SARNP: variants seen among roughly 807,000 people sequenced by gnomAD.
SARNP encodes the protein SAP domain-containing ribonucleoprotein.
In SARNP, 5 loss-of-function variants were observed where a neutral mutation model predicts 38.1. The observed-to-expected ratio is 0.13, with a 90% confidence interval of 0.07 to 0.28. The LOEUF is 0.28. SARNP is among the 10% of genes least tolerant of loss of function. The probability of loss-of-function intolerance (pLI) is 1.00; values close to 1 mark genes in which losing one functional copy is unlikely to be tolerated. For missense variants in SARNP, 180 were observed against 243.9 expected (o/e 0.74, Z 1.75); for synonymous variants, 84 against 80.6 (o/e 1.04, Z -0.23).
chr12:55,767,871 AGG>A (rs1334010952), intron 9 of SARNP, among the ~76,000 whole-genome samples: 336 of 143,848 alleles, frequency 2.3e-3, no homozygotes, highest in African/African-American at 8.6e-3. Flanking sequence ...AAAAAAAAAA[AGG>A]ATATACACAC....
At chr12:55,759,643 G>C (rs1878616175) in intron 10 of SARNP, among the ~76,000 whole-genome samples, 1 of 152,174 alleles carries the variant, frequency 6.6e-6, no homozygotes, top group Non-Finnish European at 1.5e-5. Flanking sequence ...GTTTCACCAT[G>C]TTGGCCAGGC....
At chr12:55,791,024 TAG>T (rs1879651846) in intron 7 of SARNP, among the ~76,000 whole-genome samples, 1 of 152,154 alleles carries the variant, frequency 6.6e-6, no homozygotes, top group African/African-American at 2.4e-5. Context: ...TAAAAATGAA[TAG>T]AGATACATGC....
chr12:55,765,646 G>A lies in SARNP; in HGVS notation c.502-5006C>T, dbSNP rs569123231. On this transcript the variant is annotated intron_variant, in intron 9 of 10. Transcript: ENST00000336133. ...GGCATGAGCCACCACACCCAGCCTA[G>A]CTTCCCTTTTAAACAAGATCTTTGG... 4.6e-5 allele frequency among the ~76,000 whole-genome samples: 7 copies of A among 151,994 alleles called. No homozygotes were observed. In the South Asian group the frequency reaches 1.5e-3, roughly 32 times the overall value.
intron 9 of SARNP, among the ~76,000 whole-genome samples, chr12:55,767,025 G>A (rs909090224): frequency 6.6e-6 from 1 of 152,096 alleles, no homozygotes; most frequent in Non-Finnish European, 1.5e-5. Context: ...GTTCCAAACT[G>A]AGCCCTTGAA....
chr12:55,791,500 G>C (rs567418903), intron 7 of SARNP, among the ~76,000 whole-genome samples: 32 of 152,214 alleles, frequency 2.1e-4, no homozygotes, highest in Non-Finnish European at 4.0e-4. Context: ...TTGTAGACCA[G>C]CCTGACCAAT....
chr12:55,790,218 G>T (rs544772843), intron 8 of SARNP, among the ~76,000 whole-genome samples: 1 of 148,350 alleles, frequency 6.7e-6, no homozygotes, highest in Admixed American at 6.7e-5. Context: ...CTCCTAAATT[G>T]CTTCCATAGA....
At chr12:55,816,830 T>C (rs780948204) in intron 1 of SARNP, among the ~76,000 whole-genome samples, 12 of 152,172 alleles carry the variant, frequency 7.9e-5, no homozygotes, top group Non-Finnish European at 8.8e-5. Context: ...AAGAGTCTCA[T>C]AAGACAATTT....
intron 9 of SARNP, among the ~76,000 whole-genome samples, chr12:55,785,115 T>C (rs759008243): frequency 6.6e-5 from 10 of 152,142 alleles, no homozygotes; most frequent in African/African-American, 1.2e-4. Flanking sequence ...GAAGTATCCC[T>C]GTAATAATCA....
At position 55,787,943 on chromosome 12, in the gene SARNP, G is replaced by T. The variant is rs1037406718; in HGVS notation, c.501+1132C>A. 2.6e-5 allele frequency among the ~76,000 whole-genome samples: 4 copies of T among 151,738 alleles called. No individual in the cohort carries two copies. In the East Asian group the frequency reaches 5.8e-4, roughly 22 times the overall value. ...TTTTTGTATTTTTAGTAGAGACGGG[G>T]TTTCACCGTGTTAGCCAGGATGGTC... On this transcript the variant is annotated intron_variant, in intron 9 of 10. Coordinates refer to ENST00000336133, the MANE Select transcript of SARNP (RefSeq NM_033082.4).
At chr12:55,789,939 G>A (rs1592571045) in intron 8 of SARNP, among the ~76,000 whole-genome samples, 4 of 111,114 alleles carry the variant, frequency 3.6e-5, no homozygotes, top group Admixed American at 1.1e-4. Context: ...ATGAAACTCC[G>A]TCTCAAAAAA....
intron 1 of SARNP, among the ~76,000 whole-genome samples, chr12:55,807,910 C>T (rs4759202): frequency 0.99 from 151,192 of 152,236 alleles, 75,090 homozygotes; most frequent in Middle Eastern, 1. Context: ...GTCTTTTGAT[C>T]TTAATTACAC....
chr12:55,784,975 A>G (rs970851009), intron 9 of SARNP, among the ~76,000 whole-genome samples: 14 of 152,222 alleles, frequency 9.2e-5, no homozygotes, highest in African/African-American at 3.1e-4. Context: ...TGTTACTTAA[A>G]ATATAGTCTT....
Position 55,765,915 on chromosome 12 carries a change from C to T in SARNP, c.502-5275G>A, listed in dbSNP as rs573621092. On this transcript the variant is annotated intron_variant, in intron 9 of 10. Coordinates refer to ENST00000336133, the MANE Select transcript of SARNP (RefSeq NM_033082.4). ...GATCTCTCTCACTTGACCCTTCTAG[C>T]GTGACGGTGTTGCATGGAAACAAAC... 4.1e-4 allele frequency among the ~76,000 whole-genome samples: 63 copies of T among 152,260 alleles called. 1 individual carries two copies. Among genetic ancestry groups the T allele is most frequent in the Admixed American group, 3.2e-3 (49 of 15,294 alleles).
At chr12:55,781,205 G>A (rs1436609241) in intron 9 of SARNP, among the ~76,000 whole-genome samples, 1 of 152,192 alleles carries the variant, frequency 6.6e-6, no homozygotes, top group Non-Finnish European at 1.5e-5. Context: ...GTGGCTATCT[G>A]TACTTTGAAT....
At chr12:55,794,958 A>G (rs904540442) in intron 5 of SARNP, 78 bp from the exon 6 acceptor site, 2 of 122,514 alleles carry the variant, frequency 1.6e-5, no homozygotes, top group Non-Finnish European at 3.2e-5. Flanking sequence ...AGGTATCTTT[A>G]AAAAAAAAAA....
intron 9 of SARNP, among the ~76,000 whole-genome samples, chr12:55,771,983 T>C (rs958954590): frequency 2.6e-5 from 4 of 152,140 alleles, no homozygotes; most frequent in African/African-American, 9.7e-5. Context: ...CAACTGATGG[T>C]TATTCTCTCA....
Position 55,796,059 on chromosome 12 carries a change from A to G in SARNP, c.269T>C (p.Val90Ala). The G allele has an allele frequency of 1.2e-6, 2 of 1,610,596 alleles. No individual in the cohort carries two copies. Among genetic ancestry groups the G allele is most frequent in the South Asian group, 1.1e-5 (1 of 90,932 alleles). ...KTVDVAAEKKVVKITSEIPQT... is the reference protein window; with the variant it reads ...KTVDVAAEKKAVKITSEIPQT... The stretch of plus-strand genomic sequence containing the variant: ...TGGTATTTCAGATGTAATTTTCACC[A>G]CTTTCTTCTCTGCTGCCCTAGAAAA... The change falls in exon 5 of 11, where the codon GTG becomes GCG. Residue 90 changes from valine to alanine, a missense_variant. Val to Ala is a moderately conservative substitution (Grantham distance 64, BLOSUM62 0). This residue lies in a region of SARNP where 161 missense variants were observed against 194.1 expected (regional missense o/e 0.83). Transcript: ENST00000336133.
intron 1 of SARNP, among the ~76,000 whole-genome samples, chr12:55,804,919 G>A (rs572585687): frequency 3.3e-5 from 5 of 152,172 alleles, no homozygotes; most frequent in Admixed American, 6.5e-5. Flanking sequence ...GCATCTCTAC[G>A]TTTTTCAGCT....
intron 9 of SARNP, among the ~76,000 whole-genome samples, chr12:55,769,941 C>T (rs1878956397): frequency 6.6e-6 from 1 of 152,124 alleles, no homozygotes; most frequent in Admixed American, 6.6e-5. Flanking sequence ...GGGTTTTTAT[C>T]AGGACATAGC....
Sources: allele counts gnomAD v4.1 joint callset (sites outside exome capture counted in the v4.1 genomes callset), GRCh38; gene constraint gnomAD v4.1.1; regional missense constraint gnomAD v4.1.1; transcripts MANE v1.5; gene names NCBI Gene and HGNC (gene_info 2026-07-23, HGNC 2026-07-21).